Variants in AGBL1 observed in about 807,000 individuals in gnomAD.
AGBL1 encodes the protein cytosolic carboxypeptidase 4.
AGBL1 carries 130 observed loss-of-function variants against 118.9 expected under a neutral mutation model. The ratio of observed to expected loss-of-function variants is 1.09; its 90% CI spans 0.95 to 1.26. The LOEUF is 1.26. Among genes scored for constraint, AGBL1 ranks in the 50% most tolerant of loss-of-function variants. The probability of loss-of-function intolerance (pLI) is 0.00; values close to 1 mark genes in which losing one functional copy is unlikely to be tolerated. For synonymous variants in AGBL1, 555 were observed against 478.9 expected, an observed-to-expected ratio of 1.16 and a Z score of -2.08; for missense variants, 1,584 against 1,298.1, an observed-to-expected ratio of 1.22 and a Z score of -3.38.
intron 21 of AGBL1, among the ~76,000 whole-genome samples, chr15:86,577,131 A>G (rs2084102852): frequency 6.6e-6 from 1 of 152,182 alleles, no homozygotes; most frequent in African/African-American, 2.4e-5. Context: ...GGAACTTCCT[A>G]TGGACTTGTT....
At chr15:86,327,066 A>T (rs1296230967) in intron 17 of AGBL1, among the ~76,000 whole-genome samples, 1 of 152,172 alleles carries the variant, frequency 6.6e-6, no homozygotes, top group East Asian at 1.9e-4. Context: ...GACCAGTGAT[A>T]GAGCAAAGAG....
At chr15:86,876,131 A>G (rs1448010886) in intron 22 of AGBL1, among the ~76,000 whole-genome samples, 1 of 152,170 alleles carries the variant, frequency 6.6e-6, no homozygotes, top group East Asian at 1.9e-4. Context: ...TGTAGGGTGG[A>G]ACATTTAAAT....
intron 19 of AGBL1, among the ~76,000 whole-genome samples, chr15:86,525,732 T>G (rs1052594488): frequency 6.6e-6 from 1 of 152,152 alleles, no homozygotes; most frequent in Non-Finnish European, 1.5e-5. Context: ...ATTAAAGACT[T>G]AAATCTAAGA....
intron 23 of AGBL1, among the ~76,000 whole-genome samples, chr15:86,985,692 C>T (rs2081274466): frequency 6.6e-6 from 1 of 151,898 alleles, no homozygotes; most frequent in Non-Finnish European, 1.5e-5. Flanking sequence ...TTCTCATTGT[C>T]CCAGTGGTGG....
intron 23 of AGBL1, among the ~76,000 whole-genome samples, chr15:86,985,237 T>C (rs1454678842): frequency 1.3e-5 from 2 of 152,232 alleles, no homozygotes; most frequent in Non-Finnish European, 2.9e-5. Flanking sequence ...TCTATTTTCA[T>C]TGCTCTTGGG....
chr15:86,775,018 A>T (rs2078235017), intron 22 of AGBL1, among the ~76,000 whole-genome samples: 1 of 152,178 alleles, frequency 6.6e-6, no homozygotes, highest in Non-Finnish European at 1.5e-5. Context: ...TATCCCAAAA[A>T]ATACACAGAC....
chr15:86,637,723 A>C (rs1299639467), intron 21 of AGBL1, among the ~76,000 whole-genome samples: 6 of 152,122 alleles, frequency 3.9e-5, no homozygotes, highest in Non-Finnish European at 8.8e-5. Flanking sequence ...CAGATTTTGC[A>C]GGTAGAATCA....
chr15:86,890,513 T>C (rs1596597732), intron 22 of AGBL1, among the ~76,000 whole-genome samples: 2 of 152,162 alleles, frequency 1.3e-5, no homozygotes, highest in South Asian at 2.1e-4. Context: ...CTTCTAGGGT[T>C]TTTATAGTTT....
intron 22 of AGBL1, among the ~76,000 whole-genome samples, chr15:86,730,733 T>C (rs1445053997): frequency 6.6e-6 from 1 of 152,214 alleles, no homozygotes; most frequent in East Asian, 1.9e-4. Context: ...GAATGGACTT[T>C]ACAAGTGGTA....
chr15:86,261,752 G>T (rs1053617594), intron 9 of AGBL1, among the ~76,000 whole-genome samples: 3 of 152,022 alleles, frequency 2.0e-5, no homozygotes, highest in Non-Finnish European at 4.4e-5. Flanking sequence ...TCAGAGGAGA[G>T]TCACCATCAT....
At chr15:86,606,604 C>T (rs921361343) in intron 21 of AGBL1, among the ~76,000 whole-genome samples, 1 of 152,148 alleles carries the variant, frequency 6.6e-6, no homozygotes, top group African/African-American at 2.4e-5. Flanking sequence ...GAACCAGACC[C>T]TACTCCTCCT....
chr15:86,184,429 C>CTTTTTTTTTTTTTT (rs199807402), intron 5 of AGBL1, among the ~76,000 whole-genome samples: 1 of 144,492 alleles, frequency 6.9e-6, no homozygotes, highest in Non-Finnish European at 1.5e-5. Context: ...TTTCTTTTTT[C>CTTTTTTTTTTTTTT]TTTCTTTTTT....
intron 22 of AGBL1, among the ~76,000 whole-genome samples, chr15:86,770,561 G>A (rs1049958288): frequency 2.6e-5 from 4 of 151,940 alleles, no homozygotes; most frequent in Non-Finnish European, 4.4e-5. Flanking sequence ...GAAAGACACC[G>A]CAATTGCACG....
At chr15:86,291,667 G>A (rs912115389) in intron 16 of AGBL1, among the ~76,000 whole-genome samples, 1 of 152,206 alleles carries the variant, frequency 6.6e-6, no homozygotes, top group African/African-American at 2.4e-5. Context: ...TGAGAGATTA[G>A]GTTGAGTGGG....
At chr15:86,498,296 A>G (rs113154628) in intron 18 of AGBL1, among the ~76,000 whole-genome samples, 23 of 152,076 alleles carry the variant, frequency 1.5e-4, no homozygotes, top group Admixed American at 5.3e-4. Flanking sequence ...ATAACTAGAC[A>G]GTAGACTTCT....
intron 5 of AGBL1, among the ~76,000 whole-genome samples, chr15:86,195,246 C>T (rs1320628053): frequency 1.3e-5 from 2 of 152,142 alleles, no homozygotes; most frequent in African/African-American, 2.4e-5. Flanking sequence ...AAAATCATGG[C>T]GATGATAACT....
chr15:86,989,509 T>A (rs1014309532), intron 24 of AGBL1, among the ~76,000 whole-genome samples: 24 of 152,322 alleles, frequency 1.6e-4, no homozygotes, highest in South Asian at 1.0e-3. Flanking sequence ...CCCCTTTTAA[T>A]CTGCTAAGAT....
At chr15:86,895,619 G>C (rs1038593886) in intron 22 of AGBL1, among the ~76,000 whole-genome samples, 1 of 151,046 alleles carries the variant, frequency 6.6e-6, no homozygotes, top group African/African-American at 2.5e-5. Context: ...TCTTTTTTCT[G>C]CCTCGCTTTA....
chr15:86,816,221 G>A (rs1268606051), intron 22 of AGBL1, among the ~76,000 whole-genome samples: 1 of 152,164 alleles, frequency 6.6e-6, no homozygotes, highest in Non-Finnish European at 1.5e-5. Flanking sequence ...AAATAGAATG[G>A]CGAGGTCTTA....
Sources: gnomAD v4.1 joint callset for allele counts (sites outside exome capture counted in the v4.1 genomes callset) on GRCh38, gnomAD v4.1.1 for gene constraint, MANE v1.5 for transcripts, NCBI Gene and HGNC (gene_info 2026-07-23, HGNC 2026-07-21) for gene names.